The following DERA variants were observed in gnomAD, a reference collection of about 807,000 sequenced individuals.
The protein encoded by DERA is deoxyribose-phosphate aldolase.
In DERA, 15 loss-of-function variants were observed where a neutral mutation model predicts 41.1. The ratio of observed to expected loss-of-function variants is 0.37; its 90% CI spans 0.24 to 0.56. DERA has a LOEUF of 0.56. DERA is among the 20% of genes least tolerant of loss of function. The pLI, the probability that DERA is intolerant of heterozygous loss-of-function variation, is 0.81. For synonymous variants in DERA, 139 were observed against 137.4 expected, an observed-to-expected ratio of 1.01 and a Z score of -0.08; for missense variants, 396 against 403.4, an observed-to-expected ratio of 0.98 and a Z score of 0.16.
chr12:15,925,217 G>A (rs1261228057), intron 1 of DERA, among the ~76,000 whole-genome samples: 1 of 147,984 alleles, frequency 6.8e-6, no homozygotes, highest in African/African-American at 2.5e-5. Context: ...TGTTTAGAAT[G>A]CCTCTTGATG....
chr12:15,916,777 T>C (rs978856723), intron 1 of DERA, among the ~76,000 whole-genome samples: 1 of 152,116 alleles, frequency 6.6e-6, no homozygotes, highest in Non-Finnish European at 1.5e-5. Context: ...TGTATTCTTT[T>C]AAAAAATGTT....
At chr12:15,947,642 T>G (rs981575292) in intron 1 of DERA, among the ~76,000 whole-genome samples, 12 of 152,250 alleles carry the variant, frequency 7.9e-5, no homozygotes, top group African/African-American at 2.7e-4. Context: ...AGCACATTGA[T>G]GGGTCTTGAC....
intron 6 of DERA, among the ~76,000 whole-genome samples, chr12:16,006,751 G>A (rs1442703149): frequency 3.3e-5 from 5 of 152,242 alleles, no homozygotes; most frequent in African/African-American, 1.2e-4. Flanking sequence ...TGAGCACATA[G>A]CCTAGAACAT....
chr12:16,024,935 G>T (rs1949043387), intron 6 of DERA, among the ~76,000 whole-genome samples: 1 of 152,132 alleles, frequency 6.6e-6, no homozygotes, highest in Non-Finnish European at 1.5e-5. Context: ...TAAGACACAG[G>T]AGAAAAGAAT....
In DERA at chr12:16,003,181, G is replaced by A. The variant is rs979156183; in HGVS notation, c.637+20745G>A. On this transcript the variant is annotated intron_variant, in intron 6 of 8. Coordinates refer to ENST00000428559, the MANE Select transcript of DERA (RefSeq NM_015954.4). This position sits in a 1 kb window ranked among gnomAD's most constrained non-coding sequence, Gnocchi z 4.8. ...CTTTGGTGTTTCTTGGCTTGTAGAA[G>A]CCTCACCCTGGTCTCTGCCTTTGTG... Among the ~76,000 whole-genome samples, 4 of 152,134 alleles carry A rather than the reference G, an allele frequency of 2.6e-5. No homozygotes were observed. The highest frequency in any genetic ancestry group is 9.7e-5 in the African/African-American group (4 of 41,406).
rs572857593 is a variant in DERA at position 16,035,913 on chromosome 12, G to A, written c.751-319G>A. On this transcript the variant is annotated intron_variant, in intron 7 of 8. Coordinates refer to ENST00000428559, the MANE Select transcript of DERA (RefSeq NM_015954.4). This position sits in a 1 kb window ranked among gnomAD's most constrained non-coding sequence, Gnocchi z 4.1. The stretch of plus-strand genomic sequence containing the variant: ...TTTCCTATTTATTGACACCTTCCTT[G>A]TTTATTCCAGGTTCACAGCTATAGT... Among the ~76,000 whole-genome samples, 21 of 152,210 alleles carry A rather than the reference G, an allele frequency of 1.4e-4. No individual in the cohort carries two copies. The highest frequency in any genetic ancestry group is 5.1e-4 in the African/African-American group (21 of 41,522).
chr12:16,034,578 T>C (rs1949114490), intron 7 of DERA, among the ~76,000 whole-genome samples: 1 of 152,198 alleles, frequency 6.6e-6, no homozygotes, highest in Admixed American at 6.5e-5. Context: ...GCCTTTCGGG[T>C]TGCTTGACAA....
chr12:15,945,132 GCCTTGTA>G (rs1948437349), intron 1 of DERA, among the ~76,000 whole-genome samples: 1 of 152,118 alleles, frequency 6.6e-6, no homozygotes, highest in Non-Finnish European at 1.5e-5. Context: ...GGTTACTGTA[GCCTTGTA>G]GTATAGTTTG....
rs957030491 is a variant in DERA at position 15,943,607 on chromosome 12, G to A, written c.32-13329G>A. ...ACAGTACATGCCACACAGTACACAC[G>A]GGTTTGAAACAGAACTTCCACGAAT... On this transcript the variant is annotated intron_variant, in intron 1 of 8. Transcript: ENST00000428559. The surrounding 1 kb of genome is among the most constrained non-coding windows in gnomAD (Gnocchi z 4.5). Among the ~76,000 whole-genome samples the A allele has an allele frequency of 1.3e-5, 2 of 151,982 alleles. No individual in the cohort carries two copies. The highest frequency in any genetic ancestry group is 2.1e-4 in the South Asian group (1 of 4,822).
In DERA at chr12:15,984,362, A is replaced by G. The variant is rs1211433198; in HGVS notation, c.637+1926A>G. On this transcript the variant is annotated intron_variant, in intron 6 of 8. Transcript: ENST00000428559. This position sits in a 1 kb window ranked among gnomAD's most constrained non-coding sequence, Gnocchi z 4.5. ...CCTCCACCCATCCTGTCCACAGAAA[A>G]AAATGTGATTATAAACATGTCCCTT... Among the ~76,000 whole-genome samples the G allele has an allele frequency of 4.6e-5, 7 of 152,124 alleles. No individual in the cohort carries two copies. Among genetic ancestry groups the G allele is most frequent in the Non-Finnish European group, 8.8e-5 (6 of 68,018 alleles).
In DERA at chr12:15,962,915, A is replaced by G. The variant is rs964440996; in HGVS notation, c.476A>G (p.Asn159Ser). ...GCTACAGAAATCGACGTGGTAATTA[A>G]CAGAAGCTTGGTGCTGACAGGCCAG... ...DGATEIDVVINRSLVLTGQWE... is the reference protein window; with the variant it reads ...DGATEIDVVISRSLVLTGQWE... The change falls in exon 5 of 9, where the codon AAC (asparagine) becomes AGC (serine). Residue 159 changes from asparagine to serine, a missense_variant. Physicochemically the swap from Asn to Ser is conservative, Grantham distance 46. Transcript: ENST00000428559. 4 of 1,604,500 alleles carry G rather than the reference A, an allele frequency of 2.5e-6. No homozygotes were observed. The Admixed American group carries it at 6.8e-5, about 27-fold the overall frequency.
At chr12:15,964,522 G>T (rs578012913) in intron 5 of DERA, among the ~76,000 whole-genome samples, 2 of 152,160 alleles carry the variant, frequency 1.3e-5, no homozygotes, top group Non-Finnish European at 2.9e-5. Context: ...CTGAAAAGGC[G>T]TATTTTAAAT....
In DERA at chr12:15,915,101, T is replaced by G. The variant is rs1216641540; in HGVS notation, c.31+3687T>G. ...GGGGGTACAAGATAATCAGGGATGG[T>G]CACTGCCTTCACAGAGCTATTAATC... On this transcript the variant is annotated intron_variant, in intron 1 of 8. Transcript: ENST00000428559. This position sits in a 1 kb window ranked among gnomAD's most constrained non-coding sequence, Gnocchi z 4.8. Among the ~76,000 whole-genome samples the G allele has an allele frequency of 6.6e-6, 1 of 152,226 alleles. No individual in the cohort carries two copies. The highest frequency in any genetic ancestry group is 1.5e-5 in the Non-Finnish European group (1 of 68,050).
chr12:16,035,664 G>A lies in DERA; in HGVS notation c.751-568G>A, dbSNP rs560201998. On this transcript the variant is annotated intron_variant, in intron 7 of 8. Transcript: ENST00000428559. The surrounding 1 kb of genome is among the most constrained non-coding windows in gnomAD (Gnocchi z 4.1). ...CAGCTTTTTAGAACTGTGTGTGCCT[G>A]CAACTTAGAAAAAAAATCCCACAGT... Among the ~76,000 whole-genome samples, 11 of 152,228 alleles carry A rather than the reference G, an allele frequency of 7.2e-5. No individual in the cohort carries two copies. The highest frequency in any genetic ancestry group is 7.2e-4 in the Admixed American group (11 of 15,284).
intron 1 of DERA, among the ~76,000 whole-genome samples, chr12:15,923,463 C>A (rs184763465): frequency 6.7e-6 from 1 of 149,388 alleles, no homozygotes; most frequent in Non-Finnish European, 1.5e-5. Context: ...CAGTTCAGAC[C>A]TTTTCCTTCC....
Position 15,965,649 on chromosome 12 carries a change from C to G in DERA, c.508+2702C>G, listed in dbSNP as rs1036719556. Among the ~76,000 whole-genome samples the G allele has an allele frequency of 1.3e-5, 2 of 152,120 alleles. No individual in the cohort carries two copies. The highest frequency in any genetic ancestry group is 6.5e-5 in the Admixed American group (1 of 15,268). ...GGTGGGGGAGGTTTGATATTCCTCT[C>G]TGGGTTCTCCTTAGTGACCATTTAA... is the stretch of plus-strand genomic sequence containing the variant. On this transcript the variant is annotated intron_variant, in intron 5 of 8. Transcript: ENST00000428559. The surrounding 1 kb of genome is among the most constrained non-coding windows in gnomAD (Gnocchi z 4.1).
At chr12:15,969,848 G>C (rs1163236215) in intron 5 of DERA, among the ~76,000 whole-genome samples, 1 of 152,094 alleles carries the variant, frequency 6.6e-6, no homozygotes, top group Non-Finnish European at 1.5e-5. Context: ...TCTCTAAATC[G>C]ATAGCTACTT....
At position 15,911,783 on chromosome 12, in the gene DERA, TC is replaced by T; in HGVS notation, c.31+371del. 1 of 527,174 alleles carries T rather than the reference TC, an allele frequency of 1.9e-6. No homozygotes were observed. Among genetic ancestry groups the T allele is most frequent in the South Asian group, 1.5e-5 (1 of 65,196 alleles). The allele number at this position is 527,174 out of a possible 1,614,324, so 32.7% of individuals were successfully genotyped here. ...AAACAGATAAAAACCTTCTTTCTCC[TC>T]CTTTTAATAGAATACTTGTGTAATT... is the stretch of plus-strand genomic sequence containing the variant. On this transcript the variant is annotated intron_variant, in intron 1 of 8. Transcript: ENST00000428559. The surrounding 1 kb of genome is among the most constrained non-coding windows in gnomAD (Gnocchi z 4.5).
At chr12:15,942,887 A>G (rs1261858421) in intron 1 of DERA, among the ~76,000 whole-genome samples, 1 of 152,228 alleles carries the variant, frequency 6.6e-6, no homozygotes, top group Admixed American at 6.5e-5. Flanking sequence ...TAGAAGATGA[A>G]TGCTAACACA....
Sources: gnomAD v4.1 joint callset for allele counts (sites outside exome capture counted in the v4.1 genomes callset) on GRCh38, gnomAD v4.1.1 for gene constraint, Gnocchi (gnomAD v3.1) non-coding constraint, MANE v1.5 for transcripts, NCBI Gene and HGNC (gene_info 2026-07-23, HGNC 2026-07-21) for gene names.